Variants in DNMBP observed in about 807,000 individuals in gnomAD.
DNMBP encodes dynamin binding protein.
In DNMBP, 87 loss-of-function variants were observed where a neutral mutation model predicts 150.0. The observed-to-expected ratio is 0.58, with a 90% CI of 0.49 to 0.69. The LOEUF (loss-of-function observed/expected upper bound fraction) is 0.69, where lower values mean the gene tolerates loss of function less well. Ranked by LOEUF, DNMBP falls within the 30% of genes least tolerant of loss-of-function variation. DNMBP has a pLI of 0.00. For synonymous variants in DNMBP, 711 were observed against 750.4 expected, an observed-to-expected ratio of 0.95 and a Z score of 0.86; for missense variants, 1,774 against 1,949.0, an observed-to-expected ratio of 0.91 and a Z score of 1.69.
chr10:99,938,590 C>T (rs1485806091), intron 4 of DNMBP, among the ~76,000 whole-genome samples: 1 of 152,056 alleles, frequency 6.6e-6, no homozygotes, highest in African/African-American at 2.4e-5. Flanking sequence ...GGAGAGTGAA[C>T]AGTTGGTTAC....
intron 4 of DNMBP, chr10:99,931,077 T>C (rs1344442600): frequency 7.3e-6 from 2 of 273,352 alleles, no homozygotes; most frequent in Non-Finnish European, 1.4e-5. Flanking sequence ...CTTGGCTGCT[T>C]TACTTGCTGA....
intron 1 of DNMBP, among the ~76,000 whole-genome samples, chr10:99,979,241 T>C (rs1205653651): frequency 6.6e-6 from 1 of 152,148 alleles, no homozygotes; most frequent in Non-Finnish European, 1.5e-5. Context: ...CAGTAGCGTT[T>C]AGAGTCTCCT....
chr10:99,961,235 A>T (rs1313149686), intron 3 of DNMBP, among the ~76,000 whole-genome samples: 11 of 125,934 alleles, frequency 8.7e-5, no homozygotes, highest in Non-Finnish European at 1.4e-4. Context: ...TTTTCTTCTA[A>T]TTCCTTCTTT....
intron 4 of DNMBP, among the ~76,000 whole-genome samples, chr10:99,931,402 C>G (rs752585246): frequency 6.6e-6 from 1 of 152,162 alleles, no homozygotes; most frequent in Non-Finnish European, 1.5e-5. Context: ...ACACTCCAAT[C>G]GCAAGCTGCT....
chr10:99,877,384 A>G (rs1486675068), intron 16 of DNMBP, 48 bp from the exon 17 acceptor site: 1 of 1,502,974 alleles, frequency 6.7e-7, no homozygotes, highest in South Asian at 1.3e-5. Context: ...GAGCAATGCC[A>G]TCCAACAGCT....
Position 99,886,310 on chromosome 10 carries a change from G to A in DNMBP, c.3608C>T (p.Pro1203Leu), listed in dbSNP as rs1257180378. 9.3e-6 allele frequency: 15 copies of A among 1,611,744 alleles called. No individual in the cohort carries two copies. ...FVHQALEQLK[P>L]LLSLLKVAGR... ...AGGTAAGAAACTCACCGAAAGCAGT[G>A]GCTTTAATTGCTCCAGAGCCTGGTG... Residue 1203 changes from proline to leucine, a missense_variant, in exon 13 of 17, where the codon CCA becomes CTA. Physicochemically the swap from Pro to Leu is moderately conservative, Grantham distance 98. Around this residue, in one of 2 missense-constraint regions of DNMBP, gnomAD observed 1,430 missense variants for 1,492.5 expected, o/e 0.96. Transcript: ENST00000324109.
chr10:99,880,448 T>G, intron 15 of DNMBP, 87 bp from the exon 16 acceptor site: 1 of 1,412,936 alleles, frequency 7.1e-7, no homozygotes, highest in Non-Finnish European at 9.3e-7. Flanking sequence ...AAAACTGATC[T>G]AGGTTATTCA....
chr10:99,893,072 T>A (rs1176797222), intron 11 of DNMBP, among the ~76,000 whole-genome samples: 1 of 152,232 alleles, frequency 6.6e-6, no homozygotes, highest in Non-Finnish European at 1.5e-5. Flanking sequence ...ACTCCATTCC[T>A]AATATAAGAA....
At chr10:99,901,627 C>T (rs78616001) in intron 6 of DNMBP, among the ~76,000 whole-genome samples, 1,662 of 152,206 alleles carry the variant, frequency 0.011, 28 homozygotes, top group African/African-American at 0.038. Context: ...CGTGCGGGTC[C>T]CTGGCTTACT....
intron 4 of DNMBP, among the ~76,000 whole-genome samples, chr10:99,954,031 T>C (rs564845142): frequency 1.3e-5 from 2 of 151,718 alleles, no homozygotes; most frequent in African/African-American, 2.4e-5. Flanking sequence ...CTCCGAGGTA[T>C]GAGATTCTTT....
intron 3 of DNMBP, among the ~76,000 whole-genome samples, chr10:99,967,833 G>C (rs982481523): frequency 6.6e-6 from 1 of 152,036 alleles, no homozygotes. Context: ...AAATTGGATT[G>C]ATCAGAAGCT....
intron 4 of DNMBP, among the ~76,000 whole-genome samples, chr10:99,943,403 TGTTTG>T (rs1821600144): frequency 2.0e-5 from 3 of 152,058 alleles, no homozygotes; most frequent in Non-Finnish European, 4.4e-5. Context: ...TTTGTTTGTT[TGTTTG>T]TTTTTTTGAG....
intron 1 of DNMBP, among the ~76,000 whole-genome samples, chr10:99,990,693 A>G (rs2040876884): frequency 2.6e-5 from 4 of 151,602 alleles, no homozygotes; most frequent in African/African-American, 4.8e-5. Flanking sequence ...ACACATATAT[A>G]TACACACACA....
intron 4 of DNMBP, among the ~76,000 whole-genome samples, chr10:99,922,159 G>T (rs1275136726): frequency 6.6e-6 from 1 of 151,998 alleles, no homozygotes. Context: ...GGCACTTCCT[G>T]GTTTCTCAGG....
At chr10:99,891,426 C>T (rs918420973) in intron 11 of DNMBP, among the ~76,000 whole-genome samples, 4 of 151,972 alleles carry the variant, frequency 2.6e-5, no homozygotes, top group South Asian at 2.1e-4. Context: ...CCGCCAGCCT[C>T]GGCCTCCCGA....
intron 1 of DNMBP, among the ~76,000 whole-genome samples, chr10:99,978,099 C>G (rs2040747535): frequency 1.3e-5 from 2 of 152,214 alleles, no homozygotes; most frequent in East Asian, 3.8e-4. Flanking sequence ...AGGTAGACAG[C>G]AAGTCTCCAA....
Position 99,971,966 on chromosome 10 carries a change from A to C in DNMBP, c.145+14T>G. 2 of 1,608,586 alleles carry C rather than the reference A, an allele frequency of 1.2e-6. No homozygotes were observed. Among genetic ancestry groups the C allele is most frequent in the Non-Finnish European group, 8.5e-7 (1 of 1,178,148 alleles). On this transcript the variant is annotated intron_variant, in intron 2 of 16. Coordinates refer to ENST00000324109, the MANE Select transcript of DNMBP (RefSeq NM_015221.4). Reference sequence around the variant, plus strand: ...AAGTCAGGGCCTGTGGTCCACTATGAGTCTCTTACTTACCTGTAACATCCT... The same window carrying C: ...AAGTCAGGGCCTGTGGTCCACTATGCGTCTCTTACTTACCTGTAACATCCT...
At position 99,931,714 on chromosome 10, in the gene DNMBP, T is replaced by C. The variant is rs532915030; in HGVS notation, c.2261-22568A>G. ...ACAAATATTAGATGGTTACCTATCA[T>C]AGAGGAGGCATTGTGGAACAGAAAA... On this transcript the variant is annotated intron_variant, in intron 4 of 16. Transcript: ENST00000324109. Among the ~76,000 whole-genome samples, 10 of 152,350 alleles carry C rather than the reference T, an allele frequency of 6.6e-5. No individual in the cohort carries two copies. The East Asian group carries it at 1.7e-3, about 26-fold the overall frequency.
In DNMBP at chr10:99,875,759, G is replaced by A. The variant is rs1309906468; in HGVS notation, c.*1392C>T. 7.8e-6 allele frequency: 1 copy of A among 128,456 alleles called. No individual in the cohort carries two copies. Among genetic ancestry groups the A allele is most frequent in the African/African-American group, 2.6e-5 (1 of 38,274 alleles). 8.0% of individuals were successfully genotyped at this position (128,456 alleles called of 1,614,324 possible). On this transcript the variant is annotated 3_prime_UTR_variant, in exon 17 of 17. Coordinates refer to ENST00000324109, the MANE Select transcript of DNMBP (RefSeq NM_015221.4). ...GATTTTAAGGCTAAATGTGCACTTG[G>A]AGGAACAGGGGCTGTAAGGCTATTT...
Sources: gnomAD v4.1 joint callset for allele counts (sites outside exome capture counted in the v4.1 genomes callset) on GRCh38, gnomAD v4.1.1 for gene constraint, gnomAD v4.1.1 regional missense constraint, MANE v1.5 for transcripts, NCBI Gene and HGNC (gene_info 2026-07-23, HGNC 2026-07-21) for gene names.